Variants in SMYD4 observed in about 807,000 individuals in gnomAD.
SMYD4 encodes the protein protein-lysine N-methyltransferase SMYD4.
SMYD4 carries 68 observed loss-of-function variants against 72.8 expected under a neutral mutation model. The ratio of observed to expected loss-of-function variants is 0.93; its 90% CI spans 0.77 to 1.14. SMYD4 has a LOEUF of 1.14. SMYD4 is among the 50% of genes most tolerant of loss of function. The probability of loss-of-function intolerance (pLI) is 0.00; values close to 1 mark genes in which losing one functional copy is unlikely to be tolerated. For synonymous variants in SMYD4, 407 were observed against 388.6 expected (o/e 1.05, Z -0.56); for missense variants, 984 against 1,003.7 (o/e 0.98, Z 0.27).
rs547479113 is a variant in SMYD4, at chr17:1,820,960, C to G, written c.134+6901G>C. On this transcript the variant is annotated intron_variant, in intron 2 of 10. Coordinates refer to ENST00000305513, the MANE Select transcript of SMYD4 (RefSeq NM_052928.3). ...TGTGATGGAACAGAATTACAAATAG[C>G]TCTTTGAGCTAACTTGTTTTTAAGG... Among the ~76,000 whole-genome samples the G allele has an allele frequency of 1.1e-3, 170 of 152,222 alleles. 4 individuals are homozygous for G. The South Asian group carries it at 0.034, about 30-fold the overall frequency.
intron 2 of SMYD4, among the ~76,000 whole-genome samples, chr17:1,826,594 G>A (rs1016591657): frequency 6.6e-6 from 1 of 151,684 alleles, no homozygotes; most frequent in Non-Finnish European, 1.5e-5. Context: ...AACTGGCAAG[G>A]CTCAAAACTG....
At position 1,800,937 on chromosome 17, in the gene SMYD4, G is replaced by A. The variant is rs1319616791; in HGVS notation, c.457C>T (p.Leu153=). 1.2e-6 allele frequency: 2 copies of A among 1,614,204 alleles called. No individual in the cohort carries two copies. Among genetic ancestry groups the A allele is most frequent in the Non-Finnish European group, 1.7e-6 (2 of 1,180,040 alleles). Residue 153 remains leucine, a synonymous_variant, in exon 5 of 11, where the codon CTG becomes TTG. Coordinates refer to ENST00000305513, the MANE Select transcript of SMYD4 (RefSeq NM_052928.3). ...TCCTGCAGTCTCCCCAGGGCCACCAGACATTCTGCTTTACGTAACATAATC... is the reference window on the plus strand; with the variant it reads ...TCCTGCAGTCTCCCCAGGGCCACCAAACATTCTGCTTTACGTAACATAATC... The part of the protein sequence containing the change: ...PKIMLRKAEC[L]VALGRLQEAS...
intron 3 of SMYD4, among the ~76,000 whole-genome samples, chr17:1,810,827 C>T (rs745583066): frequency 6.6e-6 from 1 of 152,222 alleles, no homozygotes; most frequent in Admixed American, 6.5e-5. Context: ...GGCATGCCAT[C>T]GACCAGTGCA....
Position 1,801,008 on chromosome 17 carries a change from A to G in SMYD4, c.386T>C (p.Ile129Thr). ...LGQYETCLKD[I>T]NRAQTHGYPE... ...ATACCCATGTGTCTGTGCTCTGTTA[A>G]TGTCTTTAAGACACGTCTGAAAACA... The change falls in exon 5 of 11, where the codon ATT becomes ACT. Residue 129 changes from isoleucine to threonine, a missense_variant. Physicochemically the swap from Ile to Thr is moderately conservative, Grantham distance 89 (BLOSUM62 -1). Transcript: ENST00000305513. 1 of 1,608,732 alleles carries G rather than the reference A, an allele frequency of 6.2e-7. No homozygotes were observed. Among genetic ancestry groups the G allele is most frequent in the Non-Finnish European group, 8.5e-7 (1 of 1,175,468 alleles).
Position 1,787,590 on chromosome 17 carries a change from T to C in SMYD4, c.1552A>G (p.Ile518Val). The C allele has an allele frequency of 1.3e-6, 2 of 1,589,956 alleles. No individual in the cohort carries two copies. The highest frequency in any genetic ancestry group is 8.6e-7 in the Non-Finnish European group (1 of 1,168,222). ...CGCACCTGCCTGCTGTCGGTAACGA[T>C]GCTCCCTTTAGGTCCTGAAAGGGCA... ...TIQHTGPKGS[I>V]VTDSRQVRLA... Residue 518 changes from isoleucine to valine, a missense_variant, in exon 6 of 11, where the codon ATC (isoleucine) becomes GTC (valine). Physicochemically the swap from Ile to Val is conservative, Grantham distance 29. Transcript: ENST00000305513.
chr17:1,808,454 A>AGG (rs1910156997), intron 3 of SMYD4, among the ~76,000 whole-genome samples: 1 of 152,236 alleles, frequency 6.6e-6, no homozygotes, highest in East Asian at 1.9e-4. Context: ...ACGTAAGCAA[A>AGG]AATGTTAACA....
chr17:1,806,149 TCTCGTGAC>T (rs1452410449), intron 3 of SMYD4, among the ~76,000 whole-genome samples: 1 of 152,090 alleles, frequency 6.6e-6, no homozygotes, highest in East Asian at 1.9e-4. Flanking sequence ...ATGGTCTCGA[TCTCGTGAC>T]CTCGTGATCC....
intron 5 of SMYD4, among the ~76,000 whole-genome samples, chr17:1,787,962 T>C (rs1597368661): frequency 6.6e-6 from 1 of 152,172 alleles, no homozygotes; most frequent in Non-Finnish European, 1.5e-5. Flanking sequence ...AGAGCCCCTG[T>C]TGAGGTGACT....
Position 1,795,396 on chromosome 17 carries a change from C to T in SMYD4, c.1537+4461G>A, listed in dbSNP as rs148185142. Among the ~76,000 whole-genome samples the T allele has an allele frequency of 8.9e-5, 13 of 145,538 alleles. No individual in the cohort carries two copies. The East Asian group carries it at 1.9e-3, about 21-fold the overall frequency. ...TCACCCTGGCTGTAGTACAGTGGCA[C>T]GATCTCAGCTCTATCTATCTATCTA... On this transcript the variant is annotated intron_variant, in intron 5 of 10. Transcript: ENST00000305513.
intron 3 of SMYD4, among the ~76,000 whole-genome samples, chr17:1,807,658 C>T (rs925327061): frequency 6.6e-6 from 1 of 152,182 alleles, no homozygotes; most frequent in African/African-American, 2.4e-5. Flanking sequence ...CCACCGCGCC[C>T]GGCCTGAGGA....
At chr17:1,799,149 C>CT (rs2151232739) in intron 5 of SMYD4, among the ~76,000 whole-genome samples, 1 of 149,386 alleles carries the variant, frequency 6.7e-6, no homozygotes, top group African/African-American at 2.5e-5. Flanking sequence ...GTCCCAGCTA[C>CT]TGGGGAGGCT....
chr17:1,783,773 C>A (rs555298232), intron 8 of SMYD4: 4 of 451,786 alleles, frequency 8.9e-6, no homozygotes, highest in South Asian at 8.8e-5. Context: ...TTCTCTTGAC[C>A]CTGAAATCTA....
chr17:1,816,490 C>T (rs1416127516), intron 2 of SMYD4, among the ~76,000 whole-genome samples: 1 of 151,326 alleles, frequency 6.6e-6, no homozygotes, highest in East Asian at 2.0e-4. Context: ...TGTGGTGGTG[C>T]GTGTGTGTAA....
At chr17:1,786,374 T>C (rs1908692196) in intron 7 of SMYD4, among the ~76,000 whole-genome samples, 2 of 152,118 alleles carry the variant, frequency 1.3e-5, no homozygotes, top group African/African-American at 4.8e-5. Context: ...CCTGGAATTT[T>C]TCTCATAACA....
At chr17:1,792,136 G>A (rs973293487) in intron 5 of SMYD4, among the ~76,000 whole-genome samples, 4 of 151,764 alleles carry the variant, frequency 2.6e-5, no homozygotes, top group Admixed American at 1.3e-4. Context: ...TCCGCCTCCT[G>A]GGTTCACACC....
intron 2 of SMYD4, among the ~76,000 whole-genome samples, chr17:1,817,084 G>A (rs1476648350): frequency 2.1e-5 from 3 of 141,918 alleles, no homozygotes; most frequent in African/African-American, 7.9e-5. Flanking sequence ...TCACTCTGTC[G>A]CCCAGGCAGA....
At chr17:1,802,744 G>A (rs377288631) in intron 4 of SMYD4, among the ~76,000 whole-genome samples, 4 of 152,234 alleles carry the variant, frequency 2.6e-5, no homozygotes, top group South Asian at 4.1e-4. Flanking sequence ...TGAAACAGAT[G>A]TATCAAAATG....
chr17:1,785,439 G>GAAAAAAAAA lies in SMYD4; in HGVS notation c.1885-987_1885-979dup, dbSNP rs56261871. On this transcript the variant is annotated intron_variant, in intron 7 of 10. Coordinates refer to ENST00000305513, the MANE Select transcript of SMYD4 (RefSeq NM_052928.3). ...GAGACTCTGTCTCACAAAAGAAAAA[G>GAAAAAAAAA]AAAAAAAAAAAAAAAAGAAAACCAA... 2.8e-3 allele frequency among the ~76,000 whole-genome samples: 346 copies of GAAAAAAAAA among 124,044 alleles called. 7 individuals carry two copies. Among genetic ancestry groups the GAAAAAAAAA allele is most frequent in the Middle Eastern group, 0.01 (2 of 196 alleles). The allele number at this position is 124,044 out of a possible 152,430, so 81.4% of individuals were successfully genotyped here.
chr17:1,804,764 T>G, intron 3 of SMYD4, 49 bp from the exon 4 acceptor site: 6 of 1,569,970 alleles, frequency 3.8e-6, no homozygotes, highest in South Asian at 1.1e-5. Flanking sequence ...CCAGCATCTC[T>G]GAAGAACATT....
Sources: allele counts gnomAD v4.1 joint callset (sites outside exome capture counted in the v4.1 genomes callset), GRCh38; gene constraint gnomAD v4.1.1; transcripts MANE v1.5; gene names NCBI Gene and HGNC (gene_info 2026-07-23, HGNC 2026-07-21).